The following PAWR variants were observed in gnomAD, a reference collection of about 807,000 sequenced individuals.
PAWR encodes PRKC apoptosis WT1 regulator protein.
Under a neutral mutation model 32.0 loss-of-function variants are expected in PAWR, and 23 were observed. That is an observed-to-expected ratio of 0.72 (90% confidence interval 0.52 to 1.02). The LOEUF is 1.02. Among genes scored for constraint, PAWR ranks in the 50% least tolerant of loss-of-function variants. PAWR has a pLI of 0.00. For missense variants in PAWR, 457 were observed against 437.7 expected, an observed-to-expected ratio of 1.04 and a Z score of -0.39; for synonymous variants, 226 against 187.1, an observed-to-expected ratio of 1.21 and a Z score of -1.70.
chr12:79,593,038 CAA>C (rs796577449), intron 6 of PAWR, among the ~76,000 whole-genome samples: 1 of 141,066 alleles, frequency 7.1e-6, no homozygotes, highest in Non-Finnish European at 1.6e-5. Flanking sequence ...AAAACTGAGG[CAA>C]AAAAAAAAAC....
At chr12:79,634,316 A>G (rs969845653) in intron 2 of PAWR, among the ~76,000 whole-genome samples, 3 of 152,156 alleles carry the variant, frequency 2.0e-5, no homozygotes, top group African/African-American at 7.2e-5. Flanking sequence ...AATCTTCTGT[A>G]AAGTGGGTGT....
intron 5 of PAWR, among the ~76,000 whole-genome samples, chr12:79,595,385 C>T (rs1360394601): frequency 1.3e-5 from 2 of 152,212 alleles, no homozygotes; most frequent in African/African-American, 4.8e-5. Flanking sequence ...CAGAACTTGG[C>T]TTCTTTCTTA....
intron 4 of PAWR, among the ~76,000 whole-genome samples, chr12:79,611,626 T>C (rs1874445388): frequency 1.3e-5 from 2 of 151,992 alleles, no homozygotes; most frequent in Non-Finnish European, 2.9e-5. Flanking sequence ...TGTCTTTTTT[T>C]CTCTTTTTAG....
intron 2 of PAWR, among the ~76,000 whole-genome samples, chr12:79,652,255 C>T (rs904376170): frequency 6.6e-6 from 1 of 151,972 alleles, no homozygotes; most frequent in Non-Finnish European, 1.5e-5. Flanking sequence ...ATATTATATA[C>T]GTATATGTTA....
At chr12:79,641,809 T>C (rs1876334545) in intron 2 of PAWR, among the ~76,000 whole-genome samples, 1 of 119,458 alleles carries the variant, frequency 8.4e-6, no homozygotes, top group Non-Finnish European at 1.6e-5. Context: ...ATCGCACCAC[T>C]GTACTCCAGC....
intron 2 of PAWR, among the ~76,000 whole-genome samples, chr12:79,637,402 C>A (rs1323620889): frequency 6.6e-6 from 1 of 151,844 alleles, no homozygotes; most frequent in Non-Finnish European, 1.5e-5. Flanking sequence ...TTTCATCTAC[C>A]ATTAGTCCTT....
chr12:79,632,355 ATATATAT>A (rs1875740010), intron 2 of PAWR, among the ~76,000 whole-genome samples: 5 of 17,788 alleles, frequency 2.8e-4, no homozygotes, highest in South Asian at 2.6e-3. Flanking sequence ...ATATATATAT[ATATATAT>A]TTTTTTTTTT....
At chr12:79,681,034 G>C (rs1202195222) in intron 2 of PAWR, among the ~76,000 whole-genome samples, 1 of 150,690 alleles carries the variant, frequency 6.6e-6, no homozygotes, top group African/African-American at 2.4e-5. Context: ...AGGATCTCTT[G>C]AACTCAGGAG....
intron 4 of PAWR, chr12:79,604,334 G>A: frequency 9.9e-7 from 1 of 1,006,378 alleles, no homozygotes; most frequent in Non-Finnish European, 1.2e-6. Flanking sequence ...ACCCCTTACT[G>A]GAAGTTTTCC....
chr12:79,617,140 C>T (rs562070565), intron 3 of PAWR, among the ~76,000 whole-genome samples: 22 of 152,174 alleles, frequency 1.4e-4, no homozygotes, highest in African/African-American at 5.3e-4. Context: ...GGAAGATCAC[C>T]TAAGGTCGGG....
chr12:79,655,567 C>G (rs1877056002), intron 2 of PAWR, among the ~76,000 whole-genome samples: 1 of 152,120 alleles, frequency 6.6e-6, no homozygotes, highest in South Asian at 2.1e-4. Flanking sequence ...AAAAGGATAA[C>G]CAATAAACTT....
At position 79,591,458 on chromosome 12, in the gene PAWR, T is replaced by C. The variant is rs957442615; in HGVS notation, c.*1149A>G. The C allele has an allele frequency of 6.6e-5, 10 of 152,206 alleles. No homozygotes were observed. Among genetic ancestry groups the C allele is most frequent in the Admixed American group, 5.9e-4 (9 of 15,286 alleles). The allele number at this position is 152,206 out of a possible 1,614,324, so 9.4% of individuals were successfully genotyped here. ...GCAAAAATGTCATAATTTTAATGTA[T>C]TTTAAGGGAAGACGGGGTTCTTAAC... On this transcript the variant is annotated 3_prime_UTR_variant, in exon 7 of 7. Transcript: ENST00000328827.
intron 3 of PAWR, among the ~76,000 whole-genome samples, chr12:79,615,805 C>T (rs574609022): frequency 6.6e-6 from 1 of 152,174 alleles, no homozygotes; most frequent in African/African-American, 2.4e-5. Context: ...ACCTGTAATC[C>T]TAGCACTTTG....
chr12:79,629,915 T>C (rs985412648), intron 2 of PAWR, among the ~76,000 whole-genome samples: 2 of 152,030 alleles, frequency 1.3e-5, no homozygotes, highest in East Asian at 3.9e-4. Context: ...GTAGAAAATA[T>C]TTTCAAATGA....
chr12:79,610,268 G>A (rs1874374551), intron 4 of PAWR, among the ~76,000 whole-genome samples: 2 of 152,210 alleles, frequency 1.3e-5, no homozygotes, highest in Non-Finnish European at 2.9e-5. Context: ...AGCTGGGTAA[G>A]GTTTTCAGCA....
chr12:79,596,889 A>G (rs1459668029), intron 4 of PAWR: 5 of 431,060 alleles, frequency 1.2e-5, no homozygotes, highest in African/African-American at 6.2e-5. Flanking sequence ...AGTAACGAAC[A>G]CTGTTCTGGA....
intron 2 of PAWR, among the ~76,000 whole-genome samples, chr12:79,632,824 CA>C (rs1384645312): frequency 2.0e-5 from 3 of 151,956 alleles, no homozygotes; most frequent in Admixed American, 6.6e-5. Context: ...ACATCAGTTA[CA>C]AAAATAAGCT....
intron 2 of PAWR, among the ~76,000 whole-genome samples, chr12:79,664,286 G>C (rs151015741): frequency 3.1e-4 from 47 of 151,954 alleles, no homozygotes; most frequent in African/African-American, 9.7e-4. Flanking sequence ...AAAAGACAAT[G>C]ATCGGAGTGA....
chr12:79,690,052 C>T lies in PAWR; in HGVS notation c.193G>A (p.Ala65Thr). The change falls in exon 2 of 7, where the codon GCT becomes ACT. Residue 65 changes from alanine (A) to threonine (T), a missense_variant. Transcript: ENST00000328827. ...AGALGTPAAA[A>T]ANELNNNLPG... ...AGGTTGTTGTTGAGCTCGTTGGCAG[C>T]GGCGGCCGCCGGGGTGCCCAGAGCC... 3.7e-6 allele frequency: 5 copies of T among 1,359,812 alleles called. No individual in the cohort carries two copies. Among genetic ancestry groups the T allele is most frequent in the Non-Finnish European group, 2.8e-6 (3 of 1,066,038 alleles). The allele number at this position is 1,359,812 out of a possible 1,614,324, so 84.2% of individuals were successfully genotyped here. A position where few individuals can be genotyped will look rare whatever the true frequency, so the allele number is the denominator to read the frequency against.
Sources: gnomAD v4.1 joint callset for allele counts (sites outside exome capture counted in the v4.1 genomes callset) on GRCh38, gnomAD v4.1.1 for gene constraint, MANE v1.5 for transcripts, NCBI Gene and HGNC (gene_info 2026-07-23, HGNC 2026-07-21) for gene names.